Variants in NUSAP1 observed in about 807,000 individuals in gnomAD.
NUSAP1 encodes nucleolar and spindle associated protein 1, also known as nucleolar and spindle-associated protein 1.
A neutral mutation model predicts 52.8 loss-of-function variants in NUSAP1; 32 were observed. That is an observed-to-expected ratio of 0.61 (90% CI 0.46 to 0.81). NUSAP1 has a LOEUF of 0.81. NUSAP1 is among the 40% of genes least tolerant of loss of function. The probability of loss-of-function intolerance (pLI) is 0.00; values close to 1 mark genes in which losing one functional copy is unlikely to be tolerated. For missense variants in NUSAP1, 499 were observed against 522.3 expected (o/e 0.96, Z 0.43); for synonymous variants, 195 against 183.1 (o/e 1.06, Z -0.52).
At chr15:41,344,462 C>A (rs934930634) in intron 2 of NUSAP1, among the ~76,000 whole-genome samples, 3 of 151,396 alleles carry the variant, frequency 2.0e-5, no homozygotes, top group African/African-American at 7.3e-5. Flanking sequence ...CACGGTGAAA[C>A]CCTGTCTCTA....
chr15:41,366,121 CCTT>C (rs1170829663), intron 7 of NUSAP1, among the ~76,000 whole-genome samples: 1 of 152,062 alleles, frequency 6.6e-6, no homozygotes, highest in Admixed American at 6.6e-5. Context: ...TTAGTATCCT[CCTT>C]CTAGCTGTTT....
rs544041401 is a variant in NUSAP1, at chr15:41,360,796, T to C, written c.660+2538T>C. Among the ~76,000 whole-genome samples, 3 of 144,640 alleles carry C rather than the reference T, an allele frequency of 2.1e-5. No individual in the cohort carries two copies. The East Asian group carries it at 6.0e-4, about 29-fold the overall frequency. 94.9% of individuals were successfully genotyped at this position (144,640 alleles called of 152,430 possible). A position where few individuals can be genotyped will look rare whatever the true frequency, so the allele number is the denominator to read the frequency against. On this transcript the variant is annotated intron_variant, in intron 6 of 10. Coordinates refer to ENST00000559596, the MANE Select transcript of NUSAP1 (RefSeq NM_016359.5). ...TTTGAAGGCACTGTTTATCCATCTT[T>C]TTTTTTTTTTTTTTTTTGCGATGAG...
At position 41,349,167 on chromosome 15, in the gene NUSAP1, G is replaced by A. The variant is rs991603176; in HGVS notation, c.232G>A (p.Glu78Lys). ...ACAGATCAGCAACCAGGAAGAAGCTGAGAGACAGCCACTTGGCCATGTCAC... is the reference window on the plus strand; with the variant it reads ...ACAGATCAGCAACCAGGAAGAAGCTAAGAGACAGCCACTTGGCCATGTCAC... Reference protein sequence around the residue: ...EIQISNQEEAERQPLGHVTKT... With the variant: ...EIQISNQEEAKRQPLGHVTKT... The change falls in exon 3 of 11, where the codon GAG (glutamate) becomes AAG (lysine). Residue 78 changes from glutamate (E) to lysine (K), a missense_variant. Coordinates refer to ENST00000559596, the MANE Select transcript of NUSAP1 (RefSeq NM_016359.5). 6.2e-7 allele frequency: 1 copy of A among 1,613,824 alleles called. No individual in the cohort carries two copies. The highest frequency in any genetic ancestry group is 8.5e-7 in the Non-Finnish European group (1 of 1,179,838).
At position 41,332,922 on chromosome 15, in the gene NUSAP1, T is replaced by C. The variant is rs767806171; in HGVS notation, c.-36T>C. The C allele has an allele frequency of 2.0e-6, 3 of 1,526,568 alleles. No individual in the cohort carries two copies. The highest frequency in any genetic ancestry group is 3.7e-5 in the Admixed American group (2 of 54,774). The allele number at this position is 1,526,568 out of a possible 1,614,324, so 94.6% of individuals were successfully genotyped here. A position where few individuals can be genotyped will look rare whatever the true frequency, so the allele number is the denominator to read the frequency against. On this transcript the variant is annotated 5_prime_UTR_variant, in exon 1 of 11. Transcript: ENST00000559596. ...GAACCGCGCTGACGAAGTTTGGTGA[T>C]CCATCTTCCGAGTATCGCCGGGATT...
At chr15:41,342,563 T>G in intron 2 of NUSAP1, 109 bp downstream of exon 2, 1 of 862,852 alleles carries the variant, frequency 1.2e-6, no homozygotes, top group Non-Finnish European at 1.8e-6. Flanking sequence ...GTTGGCCAGG[T>G]GTTGTGGCTC....
chr15:41,370,297 G>GT (rs1192417077), intron 7 of NUSAP1, among the ~76,000 whole-genome samples: 2 of 152,084 alleles, frequency 1.3e-5, no homozygotes, highest in African/African-American at 4.8e-5. Context: ...CAGGAGAATG[G>GT]TGTTAACCCA....
chr15:41,338,776 C>CA (rs550900048), intron 1 of NUSAP1, among the ~76,000 whole-genome samples: 66 of 150,800 alleles, frequency 4.4e-4, no homozygotes, highest in African/African-American at 1.6e-3. Context: ...GCCAGCATGG[C>CA]AAAACCCCGT....
intron 3 of NUSAP1, 91 bp from the exon 4 acceptor site, chr15:41,350,896 AC>A (rs2048753023): frequency 6.4e-6 from 7 of 1,085,444 alleles, no homozygotes; most frequent in African/African-American, 1.6e-5. Flanking sequence ...TCTTCCTTTA[AC>A]CCCTTTTCCC....
intron 7 of NUSAP1, 104 bp downstream of exon 7, chr15:41,365,693 T>C: frequency 1.4e-6 from 1 of 701,914 alleles, no homozygotes; most frequent in Non-Finnish European, 2.2e-6. Context: ...ACTCATAGGG[T>C]ACATAGTGAT....
intron 3 of NUSAP1, 118 bp downstream of exon 3, chr15:41,349,359 T>A: frequency 9.6e-7 from 1 of 1,040,016 alleles, no homozygotes; most frequent in Non-Finnish European, 1.4e-6. Context: ...TACTGTGTGC[T>A]GTAAGCTCCA....
At chr15:41,354,046 C>A (rs955097420) in intron 4 of NUSAP1, among the ~76,000 whole-genome samples, 2 of 152,132 alleles carry the variant, frequency 1.3e-5, no homozygotes, top group African/African-American at 4.8e-5. Flanking sequence ...AAATACCTAA[C>A]CTAATATATA....
In NUSAP1 at chr15:41,360,208, G is replaced by T. The variant is rs560047848; in HGVS notation, c.660+1950G>T. 2.6e-5 allele frequency among the ~76,000 whole-genome samples: 4 copies of T among 151,988 alleles called. No homozygotes were observed. The East Asian group carries it at 7.7e-4, about 29-fold the overall frequency. Reference sequence around the variant, plus strand: ...GGCTGGAGTGCAGTGACACAATATTGGCTCATTGCAACCTCCACCTCCTGG... The same window carrying T: ...GGCTGGAGTGCAGTGACACAATATTTGCTCATTGCAACCTCCACCTCCTGG... On this transcript the variant is annotated intron_variant, in intron 6 of 10. Coordinates refer to ENST00000559596, the MANE Select transcript of NUSAP1 (RefSeq NM_016359.5).
chr15:41,341,829 A>G (rs1235043391), intron 1 of NUSAP1, among the ~76,000 whole-genome samples: 4 of 152,190 alleles, frequency 2.6e-5, no homozygotes, highest in South Asian at 2.1e-4. Context: ...CTCTGAGAGT[A>G]AAGTTCATAC....
chr15:41,348,294 G>C lies in NUSAP1; in HGVS notation c.163-804G>C, dbSNP rs1332540663. Among the ~76,000 whole-genome samples, 5 of 152,142 alleles carry C rather than the reference G, an allele frequency of 3.3e-5. No individual in the cohort carries two copies. The East Asian group carries it at 9.6e-4, about 29-fold the overall frequency. On this transcript the variant is annotated intron_variant, in intron 2 of 10. Coordinates refer to ENST00000559596, the MANE Select transcript of NUSAP1 (RefSeq NM_016359.5). ...GGGTTTCACTGTGTTGGCCAGGCTG[G>C]TCTCGAAATCCTGACCTCAGGTGAT...
intron 8 of NUSAP1, among the ~76,000 whole-genome samples, chr15:41,375,195 T>A (rs1315869092): frequency 4.7e-5 from 6 of 128,262 alleles, no homozygotes; most frequent in African/African-American, 1.6e-4. Context: ...TTTTTTTTTT[T>A]AAACCAAGTT....
At chr15:41,367,395 A>T (rs1392867183) in intron 7 of NUSAP1, among the ~76,000 whole-genome samples, 2 of 152,258 alleles carry the variant, frequency 1.3e-5, no homozygotes, top group African/African-American at 4.8e-5. Flanking sequence ...CTAGGCTCCA[A>T]GCAACTGGGG....
intron 10 of NUSAP1, 70 bp from the exon 11 acceptor site, chr15:41,380,023 A>T: frequency 3.5e-6 from 4 of 1,156,674 alleles, no homozygotes; most frequent in Non-Finnish European, 5.0e-6. Context: ...GTGTTAGTCC[A>T]ACAATAGTTG....
chr15:41,367,226 G>T (rs1034683617), intron 7 of NUSAP1, among the ~76,000 whole-genome samples: 2 of 152,198 alleles, frequency 1.3e-5, no homozygotes, highest in African/African-American at 4.8e-5. Flanking sequence ...CTCTGCAGGG[G>T]TGAGGCATCT....
chr15:41,362,328 T>A (rs2049207421), intron 6 of NUSAP1, among the ~76,000 whole-genome samples: 2 of 151,680 alleles, frequency 1.3e-5, no homozygotes, highest in African/African-American at 4.8e-5. Context: ...TTGGCTATTT[T>A]TATGCAGATT....
Sources: allele counts gnomAD v4.1 joint callset (sites outside exome capture counted in the v4.1 genomes callset), GRCh38; gene constraint gnomAD v4.1.1; transcripts MANE v1.5; gene names NCBI Gene and HGNC (gene_info 2026-07-23, HGNC 2026-07-21).